The following ADGB variants were observed in gnomAD, a reference collection of about 807,000 sequenced individuals.
ADGB encodes androglobin.
ADGB carries 172 observed loss-of-function variants against 210.5 expected under a neutral mutation model. The ratio of observed to expected loss-of-function variants is 0.82; its 90% confidence interval spans 0.72 to 0.93. The LOEUF (loss-of-function observed/expected upper bound fraction) is 0.93, where lower values mean the gene tolerates loss of function less well. ADGB is among the 40% of genes least tolerant of loss of function. ADGB has a pLI of 0.00. For synonymous variants in ADGB, 658 were observed against 662.7 expected (o/e 0.99, Z 0.11); for missense variants, 2,025 against 1,964.8 (o/e 1.03, Z -0.58).
intron 13 of ADGB, among the ~76,000 whole-genome samples, chr6:146,711,054 G>T (rs2114557460): frequency 6.6e-6 from 1 of 152,266 alleles, no homozygotes; most frequent in Admixed American, 6.5e-5. Context: ...GGGAGATAAA[G>T]ATTTAGCTCA....
intron 3 of ADGB, among the ~76,000 whole-genome samples, chr6:146,650,477 A>C (rs541509890): frequency 6.7e-4 from 101 of 151,538 alleles, no homozygotes; most frequent in African/African-American, 2.3e-3. Flanking sequence ...TTTCACACAA[A>C]CAAGCCACAA....
At position 146,786,626 on chromosome 6, in the gene ADGB, A is replaced by G. The variant is rs141387412; in HGVS notation, c.4315+914A>G. Among the ~76,000 whole-genome samples the G allele has an allele frequency of 3.3e-5, 5 of 152,252 alleles. No individual in the cohort carries two copies. In the East Asian group the frequency reaches 9.6e-4, roughly 29 times the overall value. ...ACTTAGTCTACTCATCTTAGAGATA[A>G]AGAGACCAAAGCTCAGAGAGCCACC... On this transcript the variant is annotated intron_variant, in intron 32 of 35. Transcript: ENST00000397944.
chr6:146,609,406 C>T (rs1363788579), intron 1 of ADGB, among the ~76,000 whole-genome samples: 1 of 152,136 alleles, frequency 6.6e-6, no homozygotes, highest in Non-Finnish European at 1.5e-5. Flanking sequence ...TTGATTCTGT[C>T]ATCAGGTTGT....
rs780892631 is a variant in ADGB at position 146,782,237 on chromosome 6, G to T, written c.4035+45G>T. ...TATTTGAGTGACTTAATGATTTTAG[G>T]TTCAGTGGATTCCTATTTGCCTATC... On this transcript the variant is annotated intron_variant, in intron 30 of 35. Coordinates refer to ENST00000397944, the MANE Select transcript of ADGB (RefSeq NM_024694.4). The T allele has an allele frequency of 5.6e-6, 8 of 1,433,376 alleles. No homozygotes were observed. In the South Asian group the frequency reaches 1.1e-4, roughly 20 times the overall value. The allele number at this position is 1,433,376 out of a possible 1,614,324, so 88.8% of individuals were successfully genotyped here.
chr6:146,677,520 A>C (rs1776101428), intron 9 of ADGB, among the ~76,000 whole-genome samples: 2 of 152,188 alleles, frequency 1.3e-5, no homozygotes, highest in African/African-American at 4.8e-5. Flanking sequence ...TTAATTCTAC[A>C]TTAAAAATCA....
intron 29 of ADGB, among the ~76,000 whole-genome samples, chr6:146,781,815 C>T (rs1397996013): frequency 6.6e-6 from 1 of 152,268 alleles, no homozygotes; most frequent in Non-Finnish European, 1.5e-5. Context: ...TTCATCCACT[C>T]ACTCAATGGT....
intron 7 of ADGB, 92 bp from the exon 8 acceptor site, chr6:146,672,128 G>T: frequency 7.2e-7 from 1 of 1,379,814 alleles, no homozygotes; most frequent in South Asian, 1.6e-5. Context: ...TCATTAAATA[G>T]CAAGTTGATT....
intron 1 of ADGB, among the ~76,000 whole-genome samples, chr6:146,624,614 A>C (rs1780946654): frequency 1.3e-5 from 2 of 151,774 alleles, no homozygotes; most frequent in African/African-American, 2.4e-5. Context: ...TTTCTGCTTT[A>C]ATTCTTATTA....
intron 35 of ADGB, among the ~76,000 whole-genome samples, chr6:146,808,775 C>A (rs974465481): frequency 2.0e-5 from 3 of 152,160 alleles, no homozygotes; most frequent in African/African-American, 7.2e-5. Flanking sequence ...TCACTGCAAC[C>A]TCTACCTCCT....
chr6:146,693,950 T>C (rs2114925672), intron 12 of ADGB, among the ~76,000 whole-genome samples: 1 of 152,322 alleles, frequency 6.6e-6, no homozygotes, highest in Non-Finnish European at 1.5e-5. Flanking sequence ...ACTATCCATA[T>C]TTCTACCAGA....
intron 1 of ADGB, among the ~76,000 whole-genome samples, chr6:146,615,207 T>A (rs1231972694): frequency 1.3e-5 from 2 of 151,572 alleles, no homozygotes; most frequent in East Asian, 3.9e-4. Context: ...CACCAGCCAA[T>A]CTCAGACTCT....
intron 20 of ADGB, among the ~76,000 whole-genome samples, chr6:146,729,919 G>T (rs1315783229): frequency 6.6e-6 from 1 of 151,988 alleles, no homozygotes; most frequent in South Asian, 2.1e-4. Flanking sequence ...TAGCATCTCT[G>T]GTCTCCACCC....
intron 2 of ADGB, among the ~76,000 whole-genome samples, chr6:146,642,608 G>A (rs762155886): frequency 1.3e-5 from 2 of 151,974 alleles, no homozygotes; most frequent in Non-Finnish European, 2.9e-5. Flanking sequence ...TGTCTTTTGC[G>A]GGAACATGGA....
At chr6:146,649,323 A>C (rs1345126425) in intron 3 of ADGB, among the ~76,000 whole-genome samples, 1 of 152,028 alleles carries the variant, frequency 6.6e-6, no homozygotes, top group African/African-American at 2.4e-5. Context: ...TGTTTTAAAA[A>C]AAAGTCACAC....
chr6:146,766,430 AAAATTAAATTAAATTAAATT>A (rs71552958), intron 28 of ADGB, among the ~76,000 whole-genome samples: 29 of 139,444 alleles, frequency 2.1e-4, no homozygotes, highest in Middle Eastern at 3.4e-3. Flanking sequence ...CTGTCTCAGT[AAAATTAAATTAAATTAAATT>A]AAATTAAATT....
At chr6:146,630,266 A>C (rs912793423) in intron 1 of ADGB, among the ~76,000 whole-genome samples, 1 of 151,942 alleles carries the variant, frequency 6.6e-6, no homozygotes, top group African/African-American at 2.4e-5. Flanking sequence ...AAAATAAAAG[A>C]AAGAAAGCAA....
At position 146,721,148 on chromosome 6, in the gene ADGB, G is replaced by A. The variant is rs13196492; in HGVS notation, c.1993-255G>A. On this transcript the variant is annotated intron_variant, in intron 16 of 35. Coordinates refer to ENST00000397944, the MANE Select transcript of ADGB (RefSeq NM_024694.4). ...CATATCCCTCTTCTGTCCTCATAGAGGAGAGCTCTGCCTCTCTCTGATATG... is the reference window on the plus strand; with the variant it reads ...CATATCCCTCTTCTGTCCTCATAGAAGAGAGCTCTGCCTCTCTCTGATATG... Among the ~76,000 whole-genome samples the A allele has an allele frequency of 0.24, 36,985 of 151,998 alleles. 5,117 individuals are homozygous for A. Among genetic ancestry groups the A allele is most frequent in the Non-Finnish European group, 0.33 (22,497 of 67,940 alleles).
intron 8 of ADGB, among the ~76,000 whole-genome samples, chr6:146,675,187 C>T (rs1776069318): frequency 6.6e-6 from 1 of 152,034 alleles, no homozygotes; most frequent in Admixed American, 6.5e-5. Flanking sequence ...GGCATAGTTG[C>T]TCACACCTGT....
intron 30 of ADGB, among the ~76,000 whole-genome samples, chr6:146,783,919 T>C (rs996522581): frequency 1.3e-5 from 2 of 152,164 alleles, no homozygotes; most frequent in Admixed American, 6.6e-5. Flanking sequence ...AGCAAGTATA[T>C]ACAGACCTGG....
Sources: gnomAD v4.1 joint callset for allele counts (sites outside exome capture counted in the v4.1 genomes callset) on GRCh38, gnomAD v4.1.1 for gene constraint, MANE v1.5 for transcripts, NCBI Gene and HGNC (gene_info 2026-07-23, HGNC 2026-07-21) for gene names.